CFAP43: variants seen among roughly 807,000 people sequenced by gnomAD.
CFAP43 encodes cilia and flagella associated protein 43.
Under a neutral mutation model 218.9 loss-of-function variants are expected in CFAP43, and 155 were observed. That is an observed-to-expected ratio of 0.71 (90% CI 0.62 to 0.81). The LOEUF (loss-of-function observed/expected upper bound fraction) is 0.81, where lower values mean the gene tolerates loss of function less well. Ranked by LOEUF, CFAP43 falls within the 30% of genes least tolerant of loss-of-function variation. CFAP43 has a pLI of 0.00. For missense variants in CFAP43, 1,778 were observed against 1,954.3 expected (o/e 0.91, Z 1.70); for synonymous variants, 645 against 681.3 (o/e 0.95, Z 0.83).
Position 104,143,562 on chromosome 10 carries a change from T to C in CFAP43, c.4022A>G (p.Asn1341Ser). 1 of 1,614,240 alleles carries C rather than the reference T, an allele frequency of 6.2e-7. No homozygotes were observed. ...FGELPGSGKL[N>S]KDAFAQLMKA... is the part of the protein sequence containing the mutation. ...CATTAACTGGGCAAAGGCATCCTTA[T>C]TCAACTTGCCAGATCCTGGTAGTTC... The change falls in exon 32 of 38, where the codon AAT becomes AGT. Residue 1341 changes from asparagine to serine, a missense_variant. Transcript: ENST00000357060.
At chr10:104,209,468 A>G (rs1202415446) in intron 5 of CFAP43, among the ~76,000 whole-genome samples, 1 of 152,240 alleles carries the variant, frequency 6.6e-6, no homozygotes, top group Non-Finnish European at 1.5e-5. Context: ...TTAAATTTAT[A>G]CAAATAAAAA....
At chr10:104,161,240 T>TA (rs397800987) in intron 26 of CFAP43, 78 bp from the exon 27 acceptor site, 37 of 1,483,052 alleles carry the variant, frequency 2.5e-5, no homozygotes, top group African/African-American at 1.1e-4. Context: ...GAGTTTTTTT[T>TA]AAAAAGCCCT....
chr10:104,229,787 G>A (rs1479420238), intron 2 of CFAP43, among the ~76,000 whole-genome samples: 2 of 152,086 alleles, frequency 1.3e-5, no homozygotes, highest in Non-Finnish European at 2.9e-5. Context: ...CTTCACATTA[G>A]ACACCATCTT....
chr10:104,172,346 T>C, intron 20 of CFAP43, 64 bp downstream of exon 20: 1 of 1,561,288 alleles, frequency 6.4e-7, no homozygotes, highest in Non-Finnish European at 8.6e-7. Flanking sequence ...AAAGTTCCCA[T>C]TCCTATTATC....
intron 34 of CFAP43, among the ~76,000 whole-genome samples, chr10:104,134,418 C>T (rs1033113348): frequency 6.6e-6 from 1 of 151,762 alleles, no homozygotes; most frequent in Non-Finnish European, 1.5e-5. Context: ...AGAAAGAAAA[C>T]AGAAAAACAA....
At position 104,130,025 on chromosome 10, in the gene CFAP43, C is replaced by T; in HGVS notation, c.*114G>A. On this transcript the variant is annotated 3_prime_UTR_variant, in exon 38 of 38. Coordinates refer to ENST00000357060, the MANE Select transcript of CFAP43 (RefSeq NM_025145.7). ...ACAATTTTTTATCTAAAACATGCAA[C>T]TCAGAGGACATGCTACTTCAATTTC... 9.4e-6 allele frequency: 12 copies of T among 1,282,794 alleles called. No individual in the cohort carries two copies. Among genetic ancestry groups the T allele is most frequent in the Non-Finnish European group, 1.2e-5 (12 of 963,996 alleles). The allele number at this position is 1,282,794 out of a possible 1,614,324, so 79.5% of individuals were successfully genotyped here.
At chr10:104,207,914 C>A in intron 5 of CFAP43, 90 bp from the exon 6 acceptor site, 1 of 1,298,972 alleles carries the variant, frequency 7.7e-7, no homozygotes, top group East Asian at 2.4e-5. Flanking sequence ...CAAAAAGGAA[C>A]CATACTTAAC....
chr10:104,182,583 T>C, intron 16 of CFAP43, 70 bp from the exon 17 acceptor site: 1 of 1,367,874 alleles, frequency 7.3e-7, no homozygotes, highest in Non-Finnish European at 9.5e-7. Context: ...TTAGCTGTAT[T>C]ATTTTCAGGT....
intron 5 of CFAP43, among the ~76,000 whole-genome samples, chr10:104,211,668 C>T (rs2090867146): frequency 6.6e-6 from 1 of 152,194 alleles, no homozygotes; most frequent in African/African-American, 2.4e-5. Context: ...ATGACACTGA[C>T]AGTCCCACCT....
chr10:104,196,920 G>A lies in CFAP43; in HGVS notation c.1226C>T (p.Ser409Leu), dbSNP rs763999732. 1.9e-6 allele frequency: 3 copies of A among 1,612,014 alleles called. No homozygotes were observed. Among genetic ancestry groups the A allele is most frequent in the Non-Finnish European group, 1.7e-6 (2 of 1,179,200 alleles). ...CAGCCACCAAACACAAATTTCCCCT[G>A]AATATGTAAGTGTCTGTAAAAAAAG... ...GTQYFMTLTY[S>L]GEICVWWLED... The change falls in exon 10 of 38, where the codon TCA (serine) becomes TTA (leucine). Residue 409 changes from serine (S) to leucine (L), a missense_variant. Ser to Leu is a moderately radical substitution (Grantham distance 145). Around this residue, in one of 3 missense-constraint regions of CFAP43, gnomAD observed 1,553 missense variants for 1,685.2 expected, o/e 0.92. Coordinates refer to ENST00000357060, the MANE Select transcript of CFAP43 (RefSeq NM_025145.7).
chr10:104,173,710 C>T (rs965386597), intron 19 of CFAP43, among the ~76,000 whole-genome samples: 1 of 152,218 alleles, frequency 6.6e-6, no homozygotes, highest in African/African-American at 2.4e-5. Context: ...CCACCCACCC[C>T]TTCACTTTTT....
chr10:104,175,973 T>G (rs191504574), intron 19 of CFAP43, among the ~76,000 whole-genome samples: 1 of 152,362 alleles, frequency 6.6e-6, no homozygotes, highest in Admixed American at 6.5e-5. Context: ...CAATATATTC[T>G]CAATCAAAAT....
chr10:104,171,491 C>T (rs935955835), intron 20 of CFAP43, among the ~76,000 whole-genome samples: 4 of 152,184 alleles, frequency 2.6e-5, no homozygotes, highest in African/African-American at 9.7e-5. Flanking sequence ...AAACCTCCCT[C>T]CTAGAGGCAT....
intron 29 of CFAP43, among the ~76,000 whole-genome samples, 175 bp downstream of exon 29, chr10:104,147,716 G>A (rs1476168340): frequency 1.3e-5 from 2 of 152,180 alleles, no homozygotes; most frequent in East Asian, 3.9e-4. Context: ...AGATTGGAAT[G>A]GTTACTTTCA....
chr10:104,225,490 G>A lies in CFAP43; in HGVS notation c.387C>T (p.Ser129=), dbSNP rs2091284759. The A allele has an allele frequency of 6.2e-7, 1 of 1,612,630 alleles. No homozygotes were observed. The highest frequency in any genetic ancestry group is 8.5e-7 in the Non-Finnish European group (1 of 1,179,106). ...SYCGTYLASY[S]SLPEFELALW... ...GGGCCAGTTCAAATTCTGGGAGAGA[G>A]GAGTAACTAGCCAGGTAGGTGCCAC... The change falls in exon 3 of 38, where the codon TCC becomes TCT. Residue 129 remains serine, a synonymous_variant. Coordinates refer to ENST00000357060, the MANE Select transcript of CFAP43 (RefSeq NM_025145.7).
chr10:104,145,810 G>A lies in CFAP43; in HGVS notation c.3856-246C>T, dbSNP rs2087939361. Among the ~76,000 whole-genome samples the A allele has an allele frequency of 2.6e-5, 4 of 152,154 alleles. No individual in the cohort carries two copies. The South Asian group carries it at 8.3e-4, about 32-fold the overall frequency. ...AACAGGTCTTAGAAATCATCCAGAA[G>A]TTTCCCAAAGAAGTGTCCCAAAATA... On this transcript the variant is annotated intron_variant, in intron 30 of 37. Transcript: ENST00000357060.
intron 10 of CFAP43, among the ~76,000 whole-genome samples, chr10:104,195,016 C>A (rs1284985185): frequency 6.6e-6 from 1 of 152,192 alleles, no homozygotes; most frequent in Non-Finnish European, 1.5e-5. Flanking sequence ...AAATAATCAG[C>A]TGAAATTCTC....
intron 37 of CFAP43, 47 bp downstream of exon 37, chr10:104,131,284 C>G (rs776997985): frequency 7.0e-6 from 11 of 1,581,274 alleles, no homozygotes; most frequent in Non-Finnish European, 9.4e-6. Context: ...TTACTGATTA[C>G]TTTTAAAGAA....
chr10:104,142,339 C>G lies in CFAP43; in HGVS notation c.4213G>C (p.Val1405Leu). 1 of 1,613,596 alleles carries G rather than the reference C, an allele frequency of 6.2e-7. No homozygotes were observed. Among genetic ancestry groups the G allele is most frequent in the Non-Finnish European group, 8.5e-7 (1 of 1,179,766 alleles). The change falls in exon 33 of 38, where the codon GTT (valine) becomes CTT (leucine). Residue 1405 changes from valine (V) to leucine (L), a missense_variant. By Grantham distance (32) the Val-to-Leu change is conservative. Around this residue, in one of 3 missense-constraint regions of CFAP43, gnomAD observed 1,553 missense variants for 1,685.2 expected, o/e 0.92. Transcript: ENST00000357060. ...LEMATFLQKR[V>L]EEEEKVQQEI... The stretch of plus-strand genomic sequence containing the variant: ...TGTTGCACCTTCTCTTCCTCCTCAA[C>G]TCTCTTCTGGAGGAAAGTTGCCATT...
Sources: allele counts gnomAD v4.1 joint callset (sites outside exome capture counted in the v4.1 genomes callset), GRCh38; gene constraint gnomAD v4.1.1; regional missense constraint gnomAD v4.1.1; transcripts MANE v1.5; gene names NCBI Gene and HGNC (gene_info 2026-07-23, HGNC 2026-07-21).